The following TMEM135 variants were observed in gnomAD, a reference collection of about 807,000 sequenced individuals.
TMEM135 encodes the protein transmembrane protein 135.
TMEM135 carries 30 observed loss-of-function variants against 60.3 expected under a neutral mutation model. The observed-to-expected ratio is 0.50, with a 90% CI of 0.37 to 0.68. The LOEUF (loss-of-function observed/expected upper bound fraction) is 0.68. Among genes scored for constraint, TMEM135 ranks in the 30% least tolerant of loss-of-function variants. The pLI, the probability that TMEM135 is intolerant of heterozygous loss-of-function variation, is 0.00. For missense variants in TMEM135, 468 were observed against 548.8 expected, an observed-to-expected ratio of 0.85 and a Z score of 1.47; for synonymous variants, 190 against 186.7, an observed-to-expected ratio of 1.02 and a Z score of -0.14.
At chr11:87,245,450 G>A (rs1256034857) in intron 6 of TMEM135, among the ~76,000 whole-genome samples, 2 of 117,232 alleles carry the variant, frequency 1.7e-5, no homozygotes, top group Non-Finnish European at 3.7e-5. Flanking sequence ...TGACAGTGGG[G>A]TGTTAAAGTC....
chr11:87,326,911 C>CTTTTT lies in TMEM135; in HGVS notation c.*5593_*5597dup, dbSNP rs11332885. ...AGGCATCATTGAATCATCTGAGGAC[C>CTTTTT]TTTTTTTTTTTTTTTTTTTCACTAA... is the stretch of plus-strand genomic sequence containing the variant. On this transcript the variant is annotated 3_prime_UTR_variant, in exon 15 of 15. Coordinates refer to ENST00000305494, the MANE Select transcript of TMEM135 (RefSeq NM_022918.4). The CTTTTT allele has an allele frequency of 6.1e-4, 239 of 392,322 alleles. 1 individual carries two copies. The highest frequency in any genetic ancestry group is 2.3e-3 in the African/African-American group (95 of 41,072). 24.3% of individuals were successfully genotyped at this position (392,322 alleles called of 1,614,324 possible). A position where few individuals can be genotyped will look rare whatever the true frequency, so the allele number is the denominator to read the frequency against.
chr11:87,262,880 A>T (rs1941677848), intron 6 of TMEM135, among the ~76,000 whole-genome samples: 1 of 152,234 alleles, frequency 6.6e-6, no homozygotes. Flanking sequence ...ATTTCAATTT[A>T]GCACATACAT....
intron 6 of TMEM135, among the ~76,000 whole-genome samples, chr11:87,238,688 C>A (rs1008725987): frequency 4.6e-5 from 7 of 152,138 alleles, no homozygotes. Flanking sequence ...TGTATTCAGA[C>A]ACATTATTAA....
intron 4 of TMEM135, among the ~76,000 whole-genome samples, chr11:87,108,525 G>GT (rs1403254097): frequency 6.6e-6 from 1 of 151,764 alleles, no homozygotes; most frequent in African/African-American, 2.4e-5. Flanking sequence ...TTTTTATAGT[G>GT]TTTTTCTAGT....
intron 4 of TMEM135, among the ~76,000 whole-genome samples, chr11:87,115,334 G>A (rs1372466536): frequency 6.6e-6 from 1 of 151,864 alleles, no homozygotes; most frequent in African/African-American, 2.4e-5. Context: ...TCTCTGCATT[G>A]GAAATGACTG....
At chr11:87,055,589 G>A (rs933530496) in intron 1 of TMEM135, among the ~76,000 whole-genome samples, 9 of 151,730 alleles carry the variant, frequency 5.9e-5, no homozygotes, top group Non-Finnish European at 1.3e-4. Context: ...GAGAAGTTAA[G>A]CATCTTTTTT....
At chr11:87,059,726 AG>A (rs1949928077) in intron 1 of TMEM135, among the ~76,000 whole-genome samples, 1 of 152,258 alleles carries the variant, frequency 6.6e-6, no homozygotes, top group Non-Finnish European at 1.5e-5. Flanking sequence ...AATTCTGCAG[AG>A]TGAAGGAAAC....
intron 5 of TMEM135, among the ~76,000 whole-genome samples, chr11:87,197,343 A>T (rs12284940): frequency 0.066 from 9,966 of 152,092 alleles, 347 homozygotes; most frequent in African/African-American, 0.087. Flanking sequence ...AACGTATCAG[A>T]CTCTCATACA....
chr11:87,153,603 T>C (rs1240277537), intron 4 of TMEM135, among the ~76,000 whole-genome samples: 2 of 152,220 alleles, frequency 1.3e-5, no homozygotes, highest in Non-Finnish European at 1.5e-5. Context: ...TTCATATGCT[T>C]ATTATGCTTA....
intron 5 of TMEM135, among the ~76,000 whole-genome samples, chr11:87,223,897 A>G (rs1383649147): frequency 6.6e-6 from 1 of 152,154 alleles, no homozygotes; most frequent in Non-Finnish European, 1.5e-5. Context: ...TTATTAGTTC[A>G]GGACCTTTTC....
chr11:87,176,723 G>A (rs773545528), intron 5 of TMEM135, among the ~76,000 whole-genome samples: 2 of 152,184 alleles, frequency 1.3e-5, no homozygotes, highest in Non-Finnish European at 2.9e-5. Flanking sequence ...GATTTTCACT[G>A]TAGTGGTTTT....
chr11:87,311,632 A>G (rs1942642519), intron 10 of TMEM135, among the ~76,000 whole-genome samples: 1 of 152,028 alleles, frequency 6.6e-6, no homozygotes, highest in Non-Finnish European at 1.5e-5. Context: ...GGTAATACAA[A>G]CAAATGGTAT....
intron 7 of TMEM135, among the ~76,000 whole-genome samples, chr11:87,299,935 T>G (rs1026051634): frequency 6.6e-6 from 1 of 152,160 alleles, no homozygotes; most frequent in Non-Finnish European, 1.5e-5. Flanking sequence ...TTTTATTTTC[T>G]GGTGGGGGCG....
chr11:87,094,981 G>C (rs1202916745), intron 4 of TMEM135: 1 of 161,552 alleles, frequency 6.2e-6, no homozygotes, highest in African/African-American at 2.4e-5. Context: ...TCCTGTAATA[G>C]ATATTTACAC....
chr11:87,162,225 A>T (rs1458942542), intron 5 of TMEM135, among the ~76,000 whole-genome samples: 1 of 151,404 alleles, frequency 6.6e-6, no homozygotes, highest in Non-Finnish European at 1.5e-5. Flanking sequence ...TTATTAAATA[A>T]TTTTTTTTTA....
At chr11:87,133,147 G>T (rs552980665) in intron 4 of TMEM135, among the ~76,000 whole-genome samples, 1 of 152,162 alleles carries the variant, frequency 6.6e-6, no homozygotes, top group Admixed American at 6.5e-5. Context: ...ACTCATAATG[G>T]CAAACAGTTT....
In TMEM135 at chr11:87,318,165, G is replaced by A. The variant is rs549195058; in HGVS notation, c.1106G>A (p.Gly369Glu). The change falls in exon 13 of 15, where the codon GGG becomes GAG. Residue 369 changes from glycine to glutamate, a missense_variant. Gly to Glu is a moderately conservative substitution (Grantham distance 98, BLOSUM62 -2). Coordinates refer to ENST00000305494, the MANE Select transcript of TMEM135 (RefSeq NM_022918.4). Reference protein sequence around the residue: ...ETMYFKGIEAGKVPYFPHADT... With the variant: ...ETMYFKGIEAEKVPYFPHADT... The stretch of plus-strand genomic sequence containing the variant: ...ATGTATTTCAAAGGCATTGAAGCAG[G>A]GAAGGTTCCCTATTTTCCTCATGCA... 1.6e-5 allele frequency: 25 copies of A among 1,612,856 alleles called. No homozygotes were observed. In the Admixed American group the frequency reaches 3.0e-4, roughly 19 times the overall value.
At chr11:87,166,939 A>G (rs1054743251) in intron 5 of TMEM135, among the ~76,000 whole-genome samples, 4 of 152,178 alleles carry the variant, frequency 2.6e-5, no homozygotes, top group African/African-American at 7.2e-5. Flanking sequence ...ATCCATGAGC[A>G]TGGAATATTT....
At chr11:87,143,752 G>T (rs1320367957) in intron 4 of TMEM135, among the ~76,000 whole-genome samples, 1 of 152,132 alleles carries the variant, frequency 6.6e-6, no homozygotes, top group African/African-American at 2.4e-5. Context: ...TCTTTCTGTG[G>T]ATCTTTCCCC....
Sources: gnomAD v4.1 joint callset for allele counts (sites outside exome capture counted in the v4.1 genomes callset) on GRCh38, gnomAD v4.1.1 for gene constraint, MANE v1.5 for transcripts, NCBI Gene and HGNC (gene_info 2026-07-23, HGNC 2026-07-21) for gene names.